LRP6: variants seen among roughly 807,000 people sequenced by gnomAD.
The protein encoded by LRP6 is low-density lipoprotein receptor-related protein 6.
A neutral mutation model predicts 184.1 loss-of-function variants in LRP6; 43 were observed. That is an observed-to-expected ratio of 0.23 (90% confidence interval 0.18 to 0.30). The LOEUF (loss-of-function observed/expected upper bound fraction) is 0.30. Ranked by LOEUF, LRP6 falls within the 10% of genes least tolerant of loss-of-function variation. The pLI is 1.00. For synonymous variants in LRP6, 719 were observed against 684.9 expected (o/e 1.05, Z -0.78); for missense variants, 1,571 against 2,005.3 (o/e 0.78, Z 4.14).
At chr12:12,233,274 T>C (rs1864838997) in intron 2 of LRP6, among the ~76,000 whole-genome samples, 1 of 152,102 alleles carries the variant, frequency 6.6e-6, no homozygotes, top group African/African-American at 2.4e-5. Flanking sequence ...GAGACCATCC[T>C]GGCTAATGCG....
intron 1 of LRP6, among the ~76,000 whole-genome samples, chr12:12,257,299 C>T (rs777386887): frequency 1.4e-4 from 21 of 152,060 alleles, no homozygotes; most frequent in Non-Finnish European, 2.4e-4. Context: ...ACTTGACAGG[C>T]CGGGTGCGGT....
chr12:12,219,298 G>A (rs915766453), intron 2 of LRP6, among the ~76,000 whole-genome samples: 11 of 152,150 alleles, frequency 7.2e-5, no homozygotes, highest in African/African-American at 1.2e-4. Context: ...TCCACCACCC[G>A]GGGTTCAAAC....
At chr12:12,127,722 A>G (rs554739759) in intron 19 of LRP6, among the ~76,000 whole-genome samples, 4 of 151,518 alleles carry the variant, frequency 2.6e-5, no homozygotes, top group Non-Finnish European at 5.9e-5. Context: ...TACTGTCTCT[A>G]TTCAGAGGGA....
chr12:12,228,396 G>C (rs781451826), intron 2 of LRP6, among the ~76,000 whole-genome samples: 1 of 152,136 alleles, frequency 6.6e-6, no homozygotes, highest in Non-Finnish European at 1.5e-5. Context: ...AACAGGAAGA[G>C]ATAAATGCTA....
chr12:12,244,166 G>A (rs527862694), intron 2 of LRP6, 96 bp downstream of exon 2: 118 of 1,239,922 alleles, frequency 9.5e-5, no homozygotes, highest in Admixed American at 1.6e-4. Context: ...TCCTGTTTTC[G>A]ATCTTTCTTT....
chr12:12,126,295 A>C (rs1027840605), intron 20 of LRP6, among the ~76,000 whole-genome samples: 9 of 152,190 alleles, frequency 5.9e-5, no homozygotes, highest in African/African-American at 1.9e-4. Flanking sequence ...TGTTGGCTGA[A>C]GGGAATCTTA....
chr12:12,241,205 C>T (rs1038996467), intron 2 of LRP6, among the ~76,000 whole-genome samples: 1 of 152,142 alleles, frequency 6.6e-6, no homozygotes, highest in Non-Finnish European at 1.5e-5. Context: ...TCTTGTGAAC[C>T]TCATAATCCA....
chr12:12,247,854 C>T (rs1013169082), intron 1 of LRP6, among the ~76,000 whole-genome samples: 1 of 152,196 alleles, frequency 6.6e-6, no homozygotes, highest in African/African-American at 2.4e-5. Flanking sequence ...TAATCACCAT[C>T]ACTTCTCTTC....
chr12:12,130,863 G>A lies in LRP6; in HGVS notation c.4001C>T (p.Ala1334Val), dbSNP rs1949742178. The part of the protein sequence containing the change: ...VLCLIDQFRC[A>V]NGQCIGKHKK... ...GTGCTTTCCAATGCACTGACCATTG[G>A]CACAGCGGAACTGATCAATTAAACA... is the stretch of plus-strand genomic sequence containing the variant. The change falls in exon 19 of 23, where the codon GCC becomes GTC. Residue 1334 changes from alanine (A) to valine (V), a missense_variant. Ala to Val is a moderately conservative substitution (Grantham distance 64). Coordinates refer to ENST00000261349, the MANE Select transcript of LRP6 (RefSeq NM_002336.3). 6.2e-7 allele frequency: 1 copy of A among 1,610,946 alleles called. No individual in the cohort carries two copies. The highest frequency in any genetic ancestry group is 1.1e-5 in the South Asian group (1 of 91,016).
chr12:12,180,935 TG>T, intron 6 of LRP6, 107 bp downstream of exon 6: 1 of 1,147,478 alleles, frequency 8.7e-7, no homozygotes, highest in Non-Finnish European at 1.3e-6. Context: ...ATTAAAGAGC[TG>T]TTTACTGGAA....
At chr12:12,164,152 G>T in intron 9 of LRP6, 121 bp downstream of exon 9, 3 of 885,810 alleles carry the variant, frequency 3.4e-6, no homozygotes, top group Non-Finnish European at 5.2e-6. Flanking sequence ...AAAACTTGAG[G>T]GTTTTTGTTG....
intron 1 of LRP6, among the ~76,000 whole-genome samples, chr12:12,246,608 G>C (rs920367954): frequency 6.6e-6 from 1 of 151,634 alleles, no homozygotes; most frequent in African/African-American, 2.4e-5. Flanking sequence ...AAAATGGGAG[G>C]GTCACTTGAG....
chr12:12,226,365 T>C (rs945878608), intron 2 of LRP6, among the ~76,000 whole-genome samples: 2 of 152,178 alleles, frequency 1.3e-5, no homozygotes, highest in African/African-American at 2.4e-5. Flanking sequence ...GATTGAAATA[T>C]GGCAAGAATA....
At chr12:12,187,509 C>A in intron 3 of LRP6, 2 of 262,812 alleles carry the variant, frequency 7.6e-6, no homozygotes, top group South Asian at 4.8e-5. Context: ...GAAAGGTAAG[C>A]AATGAGAAAA....
At chr12:12,240,035 T>TAC (rs747236412) in intron 2 of LRP6, among the ~76,000 whole-genome samples, 283 of 149,964 alleles carry the variant, frequency 1.9e-3, no homozygotes, top group Middle Eastern at 0.01. Flanking sequence ...AGAACACATG[T>TAC]ACACACACAC....
chr12:12,262,684 A>G (rs1487097260), intron 1 of LRP6, among the ~76,000 whole-genome samples: 1 of 152,196 alleles, frequency 6.6e-6, no homozygotes, highest in Non-Finnish European at 1.5e-5. Flanking sequence ...TTTTCTCATC[A>G]GTATCCGAAT....
In LRP6 at chr12:12,266,680, C is replaced by T. The variant is rs771304372; in HGVS notation, c.55+1G>A. 6.2e-7 allele frequency: 1 copy of T among 1,613,406 alleles called. No individual in the cohort carries two copies. The highest frequency in any genetic ancestry group is 1.3e-5 in the African/African-American group (1 of 74,878). On this transcript the variant is annotated splice_donor_variant, in intron 1 of 22. Transcript: ENST00000261349. LOFTEE classifies it high-confidence loss of function. ...CTTTCCAGTGCCCCCACTCTTCCCA[C>T]CTCTCAGGAGCACACAGAAGCTGCA...
intron 2 of LRP6, among the ~76,000 whole-genome samples, chr12:12,228,619 C>A (rs1864693557): frequency 2.6e-5 from 4 of 152,206 alleles, no homozygotes; most frequent in Admixed American, 2.0e-4. Flanking sequence ...ACTGCCTGAG[C>A]TCTGCCTCCT....
chr12:12,159,913 T>C lies in LRP6; in HGVS notation c.2331A>G (p.Ala777=), dbSNP rs1229947517. ...WGGKPKIDRA[A]MDGSERTTLV... ...AGGTAGTACGTTCACTTCCATCCAT[T>C]GCAGCTCTGTCTATCTTAGGTTTTC... Residue 777 remains alanine (A), a synonymous_variant, in exon 11 of 23, where the codon GCA becomes GCG. Transcript: ENST00000261349. The C allele has an allele frequency of 1.9e-6, 3 of 1,614,010 alleles. No homozygotes were observed. The highest frequency in any genetic ancestry group is 2.2e-5 in the East Asian group (1 of 44,876).
Sources: allele counts gnomAD v4.1 joint callset (sites outside exome capture counted in the v4.1 genomes callset), GRCh38; gene constraint gnomAD v4.1.1; transcripts MANE v1.5; gene names NCBI Gene and HGNC (gene_info 2026-07-23, HGNC 2026-07-21).